Variants in KCNJ16 observed in about 807,000 individuals in gnomAD.
The protein encoded by KCNJ16 is inward rectifier potassium channel 16.
A neutral mutation model predicts 18.5 loss-of-function variants in KCNJ16; 15 were observed. That is an observed-to-expected ratio of 0.81 (90% confidence interval 0.54 to 1.25). The LOEUF (loss-of-function observed/expected upper bound fraction) is 1.25. Among genes scored for constraint, KCNJ16 ranks in the 50% most tolerant of loss-of-function variants. The pLI is 0.00. For missense variants in KCNJ16, 523 were observed against 525.7 expected (o/e 0.99, Z 0.05); for synonymous variants, 174 against 186.5 (o/e 0.93, Z 0.55).
chr17:70,106,631 C>T (rs556993042), intron 2 of KCNJ16, among the ~76,000 whole-genome samples: 2 of 152,298 alleles, frequency 1.3e-5, no homozygotes, highest in Admixed American at 1.3e-4. Context: ...TCAAAGCTGC[C>T]TCTGACAACT....
chr17:70,123,210 C>A lies in KCNJ16; in HGVS notation c.-190-7669C>A, dbSNP rs552222688. Among the ~76,000 whole-genome samples, 10 of 152,226 alleles carry A rather than the reference C, an allele frequency of 6.6e-5. No individual in the cohort carries two copies. In the East Asian group the frequency reaches 1.9e-3, roughly 29 times the overall value. On this transcript the variant is annotated intron_variant, in intron 2 of 3. Coordinates refer to ENST00000392671, the MANE Select transcript of KCNJ16 (RefSeq NM_170741.4). ...TAGCCTCAATTCTCCCTCATTTCAA[C>A]CCATGCCCACACTCAGGTCTTTGGA...
intron 3 of KCNJ16, among the ~76,000 whole-genome samples, 178 bp downstream of exon 3, chr17:70,131,153 T>C (rs1035730661): frequency 4.0e-5 from 6 of 149,700 alleles, no homozygotes; most frequent in Non-Finnish European, 7.4e-5. Flanking sequence ...TGGCAAATTT[T>C]TGGGACTCTA....
chr17:70,133,427 A>G lies in KCNJ16; in HGVS notation c.*83A>G. 2 of 1,143,092 alleles carry G rather than the reference A, an allele frequency of 1.7e-6. No individual in the cohort carries two copies. Among genetic ancestry groups the G allele is most frequent in the Admixed American group, 4.4e-5 (2 of 45,392 alleles). The allele number at this position is 1,143,092 out of a possible 1,614,324, so 70.8% of individuals were successfully genotyped here. On this transcript the variant is annotated 3_prime_UTR_variant, in exon 4 of 4. Coordinates refer to ENST00000392671, the MANE Select transcript of KCNJ16 (RefSeq NM_170741.4). ...GTCGTTGTAAACGTGGCTTTTTTGA[A>G]AGTGTTATGGCTATGTTTTATGATG... is the stretch of plus-strand genomic sequence containing the variant.
chr17:70,099,645 T>C (rs559542659), intron 1 of KCNJ16, among the ~76,000 whole-genome samples: 5 of 152,144 alleles, frequency 3.3e-5, no homozygotes, highest in East Asian at 1.9e-4. Flanking sequence ...ATATTGTGGG[T>C]TGAATCTTTC....
At chr17:70,111,092 C>A (rs945306436) in intron 2 of KCNJ16, among the ~76,000 whole-genome samples, 2 of 152,108 alleles carry the variant, frequency 1.3e-5, no homozygotes, top group African/African-American at 4.8e-5. Flanking sequence ...ATAATCTCCT[C>A]AATTCTAGAA....
At chr17:70,088,697 G>A (rs907851184) in intron 1 of KCNJ16, among the ~76,000 whole-genome samples, 6 of 151,984 alleles carry the variant, frequency 3.9e-5, no homozygotes, top group Admixed American at 1.3e-4. Context: ...AAAATGGTTA[G>A]TGGCTGCCAT....
At position 70,120,122 on chromosome 17, in the gene KCNJ16, C is replaced by T. The variant is rs143201319; in HGVS notation, c.-190-10757C>T. 4.6e-3 allele frequency among the ~76,000 whole-genome samples: 705 copies of T among 152,324 alleles called. 10 individuals carry two copies. Among genetic ancestry groups the T allele is most frequent in the African/African-American group, 0.016 (680 of 41,586 alleles). ...TATCACTATGAAGTTCACACTTCCA[C>T]AGATCCCTAGGGCAGAGGCACAATG... On this transcript the variant is annotated intron_variant, in intron 2 of 3. Coordinates refer to ENST00000392671, the MANE Select transcript of KCNJ16 (RefSeq NM_170741.4).
chr17:70,075,658 G>C (rs2071274089), intron 1 of KCNJ16, among the ~76,000 whole-genome samples: 1 of 152,242 alleles, frequency 6.6e-6, no homozygotes, highest in South Asian at 2.1e-4. Flanking sequence ...GCCCTTGCCT[G>C]CTATTATATT....
rs575535383 is a variant in KCNJ16 at position 70,106,291 on chromosome 17, T to C, written c.-191+5525T>C. ...GGTAGAGACCAAATTGGCTACGCAT[T>C]GGCAGTGTGACCTTCCCCCAAATTA... On this transcript the variant is annotated intron_variant, in intron 2 of 3. Transcript: ENST00000392671. Among the ~76,000 whole-genome samples, 303 of 152,342 alleles carry C rather than the reference T, an allele frequency of 2.0e-3. 1 individual carries two copies. Among genetic ancestry groups the C allele is most frequent in the Middle Eastern group, 3.4e-3 (1 of 294 alleles).
chr17:70,126,458 A>G (rs2073859764), intron 2 of KCNJ16, among the ~76,000 whole-genome samples: 1 of 152,186 alleles, frequency 6.6e-6, no homozygotes, highest in South Asian at 2.1e-4. Context: ...TAATTATTGA[A>G]TGACTCTTGT....
intron 3 of KCNJ16, 22 bp downstream of exon 3, chr17:70,130,997 T>G (rs573053841): frequency 5.9e-6 from 9 of 1,534,276 alleles, no homozygotes; most frequent in Non-Finnish European, 7.9e-6. Context: ...ATGTTCTGCC[T>G]TGATGTTTTC....
intron 3 of KCNJ16, chr17:70,131,271 C>A: frequency 1.0e-6 from 1 of 967,976 alleles, no homozygotes; most frequent in Non-Finnish European, 1.3e-6. Flanking sequence ...GGCAATTTTA[C>A]ACCTTTCTGA....
At chr17:70,100,001 T>A (rs1256079951) in intron 1 of KCNJ16, among the ~76,000 whole-genome samples, 1 of 152,052 alleles carries the variant, frequency 6.6e-6, no homozygotes, top group Non-Finnish European at 1.5e-5. Context: ...TCATAAGTAG[T>A]GTGAGAGATC....
At chr17:70,125,904 C>T (rs2073838212) in intron 2 of KCNJ16, among the ~76,000 whole-genome samples, 2 of 151,884 alleles carry the variant, frequency 1.3e-5, no homozygotes, top group African/African-American at 4.8e-5. Context: ...TGTGCTCCAG[C>T]CTGGAGGCAG....
intron 3 of KCNJ16, chr17:70,131,309 C>T (rs1201149734): frequency 3.5e-6 from 4 of 1,156,156 alleles, no homozygotes; most frequent in Non-Finnish European, 3.2e-6. Flanking sequence ...GTTTTAGGTC[C>T]ACTGAGGTTA....
intron 2 of KCNJ16, among the ~76,000 whole-genome samples, chr17:70,107,370 T>C (rs1436565413): frequency 6.6e-6 from 1 of 152,172 alleles, no homozygotes; most frequent in Non-Finnish European, 1.5e-5. Flanking sequence ...ACCTTCAAGA[T>C]GCAACACACC....
intron 1 of KCNJ16, among the ~76,000 whole-genome samples, chr17:70,098,896 AC>A (rs2072502905): frequency 6.6e-6 from 1 of 152,196 alleles, no homozygotes; most frequent in Admixed American, 6.5e-5. Context: ...TCAAAGAACA[AC>A]CAGGTGTTGA....
intron 2 of KCNJ16, among the ~76,000 whole-genome samples, chr17:70,106,652 C>G (rs1185061588): frequency 1.3e-5 from 2 of 152,156 alleles, no homozygotes; most frequent in Non-Finnish European, 2.9e-5. Context: ...AATACCAGCC[C>G]TGACCTGCTT....
intron 2 of KCNJ16, among the ~76,000 whole-genome samples, chr17:70,124,640 A>T (rs952524048): frequency 2.6e-5 from 4 of 152,196 alleles, no homozygotes; most frequent in Non-Finnish European, 5.9e-5. Flanking sequence ...TTGGGCTAAC[A>T]TCCAACCAAG....
Sources: gnomAD v4.1 joint callset for allele counts (sites outside exome capture counted in the v4.1 genomes callset) on GRCh38, gnomAD v4.1.1 for gene constraint, MANE v1.5 for transcripts, NCBI Gene and HGNC (gene_info 2026-07-23, HGNC 2026-07-21) for gene names.